RABGAP1: variants seen among roughly 807,000 people sequenced by gnomAD.
The protein encoded by RABGAP1 is rab GTPase-activating protein 1.
A neutral mutation model predicts 137.6 loss-of-function variants in RABGAP1; 23 were observed. That is an observed-to-expected ratio of 0.17 (90% CI 0.12 to 0.24). The LOEUF (loss-of-function observed/expected upper bound fraction) is 0.24, where lower values mean the gene tolerates loss of function less well. Ranked by LOEUF, RABGAP1 falls within the 10% of genes least tolerant of loss-of-function variation. The pLI, the probability that RABGAP1 is intolerant of heterozygous loss-of-function variation, is 1.00. For synonymous variants in RABGAP1, 451 were observed against 450.7 expected (o/e 1.00, Z -0.01); for missense variants, 906 against 1,275.8 (o/e 0.71, Z 4.42).
intron 13 of RABGAP1, chr9:123,063,264 C>T (rs1314137667): frequency 6.5e-6 from 1 of 152,856 alleles, no homozygotes; most frequent in Admixed American, 6.5e-5. Context: ...TCATTCTTAG[C>T]ATTTTTTAGA....
At chr9:123,077,688 T>C (rs1346958939) in intron 19 of RABGAP1, among the ~76,000 whole-genome samples, 2 of 148,790 alleles carry the variant, frequency 1.3e-5, no homozygotes, top group African/African-American at 2.5e-5. Flanking sequence ...TGTATTGTAT[T>C]GTATTTATTT....
chr9:123,026,528 A>G (rs78759697), intron 13 of RABGAP1, among the ~76,000 whole-genome samples: 41 of 152,262 alleles, frequency 2.7e-4, no homozygotes, highest in Middle Eastern at 3.4e-3. Flanking sequence ...ATAAATTTTT[A>G]TAGACCAAGC....
upstream of RABGAP1, among the ~76,000 whole-genome samples, chr9:122,936,235 G>A (rs1004670578): frequency 6.6e-6 from 1 of 152,062 alleles, no homozygotes; most frequent in Non-Finnish European, 1.5e-5. Context: ...CTTCTCCTTT[G>A]GAACTCCCAC....
chr9:123,066,394 C>T (rs1408690667), intron 14 of RABGAP1, among the ~76,000 whole-genome samples: 2 of 152,206 alleles, frequency 1.3e-5, no homozygotes, highest in Non-Finnish European at 2.9e-5. Flanking sequence ...CACTTTACTA[C>T]AGAATTTCCT....
At chr9:122,966,797 TC>T in intron 2 of RABGAP1, among the ~76,000 whole-genome samples, 1 of 152,190 alleles carries the variant, frequency 6.6e-6, no homozygotes, top group Non-Finnish European at 1.5e-5. Context: ...GTTCCACACA[TC>T]TGGGGAGGCC....
intron 1 of RABGAP1, among the ~76,000 whole-genome samples, chr9:122,944,696 G>T (rs900711531): frequency 2.0e-5 from 3 of 151,278 alleles, no homozygotes; most frequent in Non-Finnish European, 2.9e-5. Flanking sequence ...TCAGCTTCCC[G>T]AGTAGCTGGG....
At chr9:123,055,851 A>G (rs2033672346) in intron 13 of RABGAP1, among the ~76,000 whole-genome samples, 1 of 152,106 alleles carries the variant, frequency 6.6e-6, no homozygotes, top group African/African-American at 2.4e-5. Context: ...GTGCCTGGCC[A>G]TTTATTTTAT....
chr9:122,998,591 G>C lies in RABGAP1; in HGVS notation c.1205-6G>C, dbSNP rs1837160799. The C allele has an allele frequency of 1.3e-6, 2 of 1,558,912 alleles. No homozygotes were observed. Among genetic ancestry groups the C allele is most frequent in the Admixed American group, 3.7e-5 (2 of 54,496 alleles). On this transcript the variant is annotated splice_region_variant and splice_polypyrimidine_tract_variant and intron_variant, in intron 9 of 25. Coordinates refer to ENST00000373647, the MANE Select transcript of RABGAP1 (RefSeq NM_012197.4). ...ACCTCTTCAGCCTCTCTCTTTCTTT[G>C]TTTAGATAAAGTCCTGTTTATGACC...
At position 123,065,435 on chromosome 9, in the gene RABGAP1, C is replaced by T; in HGVS notation, c.1882C>T (p.Gln628Ter). 1 of 1,604,190 alleles carries T rather than the reference C, an allele frequency of 6.2e-7. No homozygotes were observed. Among genetic ancestry groups the T allele is most frequent in the Non-Finnish European group, 8.5e-7 (1 of 1,172,558 alleles). The change falls in exon 14 of 26, where the codon CAA becomes TAA. Residue 628 changes from glutamine (Q) to a stop codon, truncating the protein, a stop_gained. Coordinates refer to ENST00000373647, the MANE Select transcript of RABGAP1 (RefSeq NM_012197.4). LOFTEE classifies it high-confidence loss of function. ...DYFKDTGGDGQDSLYKICKAY... is the reference protein window; with the variant it reads ...DYFKDTGGDG ...CTTTAAGGACACAGGAGGAGATGGA[C>T]AAGATTCCTTATATAAAATATGCAA...
intron 1 of RABGAP1, among the ~76,000 whole-genome samples, chr9:122,943,213 G>A (rs929707694): frequency 1.3e-5 from 2 of 151,124 alleles, no homozygotes; most frequent in East Asian, 2.0e-4. Flanking sequence ...GATTACAGGC[G>A]TGTGCCACCA....
At chr9:123,039,139 T>C (rs967998590) in intron 13 of RABGAP1, among the ~76,000 whole-genome samples, 4 of 152,212 alleles carry the variant, frequency 2.6e-5, no homozygotes, top group African/African-American at 9.6e-5. Flanking sequence ...CCATACATCA[T>C]GATGTGTTCC....
In RABGAP1 at chr9:122,986,407, A is replaced by G. The variant is rs1406525016; in HGVS notation, c.578A>G (p.Glu193Gly). The G allele has an allele frequency of 6.2e-7, 1 of 1,613,938 alleles. No homozygotes were observed. The highest frequency in any genetic ancestry group is 8.5e-7 in the Non-Finnish European group (1 of 1,179,926). Residue 193 changes from glutamate (E) to glycine (G), a missense_variant, in exon 4 of 26, where the codon GAA (glutamate) becomes GGA (glycine). Glu to Gly is a moderately conservative substitution (Grantham distance 98). Coordinates refer to ENST00000373647, the MANE Select transcript of RABGAP1 (RefSeq NM_012197.4). ...ACCCTTTCAGTGCCGAATGTGTCTG[A>G]AGGAATTGTGAGGTGAGACTGGTTT... The part of the protein sequence containing the change: ...DVTLSVPNVS[E>G]GIVRLLDPQT...
At chr9:123,058,319 T>C (rs907027829) in intron 13 of RABGAP1, among the ~76,000 whole-genome samples, 4 of 152,080 alleles carry the variant, frequency 2.6e-5, no homozygotes, top group Non-Finnish European at 5.9e-5. Flanking sequence ...CAATATTTTG[T>C]AGTTAGCAAA....
chr9:123,002,066 C>T (rs765591648), intron 10 of RABGAP1, among the ~76,000 whole-genome samples: 1 of 152,072 alleles, frequency 6.6e-6, no homozygotes, highest in Non-Finnish European at 1.5e-5. Context: ...CTTTGGGAGG[C>T]CGAGGCTGGC....
At chr9:122,956,510 C>T (rs1033733137) in intron 1 of RABGAP1, among the ~76,000 whole-genome samples, 15 of 152,038 alleles carry the variant, frequency 9.9e-5, no homozygotes, top group South Asian at 2.1e-4. Context: ...ATTAGCCGGG[C>T]GTGGTGGCAG....
chr9:122,984,731 T>G lies in RABGAP1; in HGVS notation c.385+12T>G. 3 of 1,606,760 alleles carry G rather than the reference T, an allele frequency of 1.9e-6. No individual in the cohort carries two copies. Among genetic ancestry groups the G allele is most frequent in the Non-Finnish European group, 2.6e-6 (3 of 1,173,660 alleles). ...ACCTGGACAAGGAGGTTAGGATTGC[T>G]GCATTGCTTGCGTAACTGAAGGTTA... On this transcript the variant is annotated intron_variant, in intron 3 of 25. Coordinates refer to ENST00000373647, the MANE Select transcript of RABGAP1 (RefSeq NM_012197.4).
chr9:122,992,954 C>T (rs1395900552), intron 6 of RABGAP1, among the ~76,000 whole-genome samples: 5 of 151,516 alleles, frequency 3.3e-5, no homozygotes, highest in Admixed American at 3.3e-4. Context: ...AAAGGTAGTT[C>T]CTCTTATCCA....
At chr9:122,964,054 CAA>C (rs781610532) in intron 2 of RABGAP1, among the ~76,000 whole-genome samples, 1 of 152,110 alleles carries the variant, frequency 6.6e-6, no homozygotes, top group African/African-American at 2.4e-5. Context: ...AGATCTATAA[CAA>C]AGAGATTGAA....
intron 19 of RABGAP1, among the ~76,000 whole-genome samples, chr9:123,080,211 A>C (rs1004395952): frequency 6.6e-6 from 1 of 152,116 alleles, no homozygotes; most frequent in African/African-American, 2.4e-5. Context: ...GCCTTCAATG[A>C]GTTAAGTCTG....
Sources: gnomAD v4.1 joint callset for allele counts (sites outside exome capture counted in the v4.1 genomes callset) on GRCh38, gnomAD v4.1.1 for gene constraint, MANE v1.5 for transcripts, NCBI Gene and HGNC (gene_info 2026-07-23, HGNC 2026-07-21) for gene names.